TBL1Y: variants seen among roughly 807,000 people sequenced by gnomAD.
The protein encoded by TBL1Y is F-box-like/WD repeat-containing protein TBL1Y.
TBL1Y carries 15 observed loss-of-function variants against 12.0 expected under a neutral mutation model. That is an observed-to-expected ratio of 1.25 (90% CI 0.83 to 1.92). TBL1Y has a LOEUF of 1.92. TBL1Y is among the 40% of genes most tolerant of loss of function. The pLI, the probability that TBL1Y is intolerant of heterozygous loss-of-function variation, is 0.00. For missense variants in TBL1Y, 148 were observed against 116.7 expected (o/e 1.27, Z -1.24); for synonymous variants, 53 against 42.6 (o/e 1.24, Z -0.95).
chrY:6,942,603 C>G (rs934713413), intron 2 of TBL1Y, among the ~76,000 whole-genome samples: 1 of 32,500 alleles, frequency 3.1e-5, no homozygotes, highest in South Asian at 7.3e-4. Flanking sequence ...AACGTAGAGG[C>G]CTTAGTGTTC....
At chrY:7,063,767 G>A in intron 7 of TBL1Y, 130 bp from the exon 8 acceptor site, 1 of 215,542 alleles carries the variant, frequency 4.6e-6, no homozygotes, top group Non-Finnish European at 7.9e-6. Context: ...TTCCCCCGTG[G>A]CCCCCTGGCT....
chrY:7,084,518 G>C (rs2013117253), intron 14 of TBL1Y, among the ~76,000 whole-genome samples: 1 of 33,746 alleles, frequency 3.0e-5, no homozygotes, highest in Non-Finnish European at 7.4e-5. Flanking sequence ...TTGATCTCTT[G>C]ACTGCTTGAT....
At chrY:7,062,279 C>G in intron 7 of TBL1Y, among the ~76,000 whole-genome samples, 3 of 33,712 alleles carry the variant, frequency 8.9e-5, no homozygotes, top group Non-Finnish European at 1.5e-4. Context: ...AGGGCAAGTC[C>G]TTGCCTCCAA....
At chrY:7,066,822 C>A (rs2012989827) in intron 8 of TBL1Y, among the ~76,000 whole-genome samples, 2 of 32,239 alleles carry the variant, frequency 6.2e-5, no homozygotes, top group Admixed American at 2.9e-4. Flanking sequence ...ATGTAGAAAT[C>A]AGCCAGGTGG....
intron 3 of TBL1Y, 103 bp from the exon 4 acceptor site, chrY:6,995,701 T>C: frequency 3.2e-5 from 1 of 31,141 alleles, no homozygotes; most frequent in Non-Finnish European, 7.7e-5. Flanking sequence ...TTCTCCTGCC[T>C]CAGCCTCCCA....
chrY:6,938,613 T>C (rs2011921325), intron 2 of TBL1Y, among the ~76,000 whole-genome samples: 1 of 33,835 alleles, frequency 3.0e-5, no homozygotes, highest in African/African-American at 1.2e-4. Context: ...TGTGATTACA[T>C]TGGGCCCACC....
intron 16 of TBL1Y, among the ~76,000 whole-genome samples, 158 bp downstream of exon 16, chrY:7,086,575 C>T: frequency 6.1e-5 from 2 of 32,727 alleles, no homozygotes; most frequent in Admixed American, 2.8e-4. Context: ...TTTGAGGTTA[C>T]CATGGTTTTG....
At chrY:6,954,327 C>T in intron 2 of TBL1Y, among the ~76,000 whole-genome samples, 2 of 34,045 alleles carry the variant, frequency 5.9e-5, no homozygotes. Flanking sequence ...CCACCCAGTT[C>T]GAGCTTCCTA....
rs1160363889 is a variant in TBL1Y at position 7,087,320 on chromosome Y, C to T, written c.1334C>T (p.Thr445Ile). 5.1e-6 allele frequency: 2 copies of T among 395,741 alleles called. No homozygotes were observed. The highest frequency in any genetic ancestry group is 1.3e-4 in the African/African-American group (2 of 15,843). The change falls in exon 17 of 19, where the codon ACC (threonine) becomes ATC (isoleucine). Residue 445 changes from threonine (T) to isoleucine (I), a missense_variant. By Grantham distance (89) the Thr-to-Ile change is moderately conservative. Transcript: ENST00000383032. The stretch of plus-strand genomic sequence containing the variant: ...TGGGATGTGGAGCAAGGTGTCTGCA[C>T]CCACACACTCATGAAGCATCAAGAG... ...RLWDVEQGVC[T>I]HTLMKHQEPV...
At chrY:7,042,318 G>C in intron 6 of TBL1Y, among the ~76,000 whole-genome samples, 1 of 31,664 alleles carries the variant, frequency 3.2e-5, no homozygotes, top group Non-Finnish European at 7.6e-5. Context: ...GGATCCTGGA[G>C]TCAAATTTCT....
At chrY:7,058,718 A>G in intron 7 of TBL1Y, among the ~76,000 whole-genome samples, 1 of 33,687 alleles carries the variant, frequency 3.0e-5, no homozygotes, top group Non-Finnish European at 7.3e-5. Context: ...TGGTCTTGTC[A>G]TTAGATGGAG....
At chrY:7,052,829 A>AT (rs2012805116) in intron 7 of TBL1Y, among the ~76,000 whole-genome samples, 1 of 34,603 alleles carries the variant, frequency 2.9e-5, no homozygotes, top group Non-Finnish European at 7.2e-5. Flanking sequence ...TTTAGGCTAA[A>AT]TTCTGGGAGC....
At chrY:7,089,704 C>A in intron 17 of TBL1Y, among the ~76,000 whole-genome samples, 1 of 33,176 alleles carries the variant, frequency 3.0e-5, no homozygotes, top group Non-Finnish European at 7.4e-5. Flanking sequence ...GCAGGAGAAT[C>A]ACTTGAACCT....
chrY:6,954,589 A>G, intron 2 of TBL1Y, among the ~76,000 whole-genome samples: 1 of 33,784 alleles, frequency 3.0e-5, no homozygotes, highest in African/African-American at 1.2e-4. Flanking sequence ...CTGCTTGGCT[A>G]TGAAAGGGAG....
chrY:7,067,939 C>T, intron 8 of TBL1Y, among the ~76,000 whole-genome samples: 1 of 33,016 alleles, frequency 3.0e-5, no homozygotes, highest in Non-Finnish European at 7.4e-5. Context: ...GTTGAATAGT[C>T]ATAGTGTAAA....
At chrY:6,938,539 C>T in intron 2 of TBL1Y, among the ~76,000 whole-genome samples, 1 of 33,739 alleles carries the variant, frequency 3.0e-5, no homozygotes. Flanking sequence ...CTCTTCAACT[C>T]TCTTTCCATA....
chrY:6,996,404 T>C (rs2012411560), intron 4 of TBL1Y, among the ~76,000 whole-genome samples: 2 of 32,377 alleles, frequency 6.2e-5, no homozygotes, highest in African/African-American at 1.2e-4. Context: ...CTAAGAAGAG[T>C]TCTGTATTTG....
intron 5 of TBL1Y, among the ~76,000 whole-genome samples, chrY:7,023,482 T>C (rs2012593838): frequency 3.1e-5 from 1 of 32,705 alleles, no homozygotes; most frequent in South Asian, 7.3e-4. Context: ...GAAGTAGAGG[T>C]GGGAAAATCT....
chrY:6,935,133 A>G, intron 2 of TBL1Y, among the ~76,000 whole-genome samples: 1 of 31,736 alleles, frequency 3.2e-5, no homozygotes, highest in Non-Finnish European at 7.6e-5. Context: ...AGCACCTCCC[A>G]AAGTGTTGGG....
Sources: gnomAD v4.1 joint callset for allele counts (sites outside exome capture counted in the v4.1 genomes callset) on GRCh38, gnomAD v4.1.1 for gene constraint, MANE v1.5 for transcripts, NCBI Gene and HGNC (gene_info 2026-07-23, HGNC 2026-07-21) for gene names.